The following RBCK1 variants were observed in gnomAD, a reference collection of about 807,000 sequenced individuals.
The protein encoded by RBCK1 is ranBP-type and C3HC4-type zinc finger-containing protein 1.
In RBCK1, 44 loss-of-function variants were observed where a neutral mutation model predicts 71.1. The observed-to-expected ratio is 0.62, with a 90% CI of 0.49 to 0.80. The LOEUF (loss-of-function observed/expected upper bound fraction) is 0.80, where lower values mean the gene tolerates loss of function less well. Ranked by LOEUF, RBCK1 falls within the 30% of genes least tolerant of loss-of-function variation. RBCK1 has a pLI of 0.00. For missense variants in RBCK1, 569 were observed against 685.0 expected, an observed-to-expected ratio of 0.83 and a Z score of 1.89; for synonymous variants, 306 against 279.7, an observed-to-expected ratio of 1.09 and a Z score of -0.94.
Position 419,544 on chromosome 20 carries a change from C to A in RBCK1, c.583-14C>A. 1 of 1,606,488 alleles carries A rather than the reference C, an allele frequency of 6.2e-7. No homozygotes were observed. Among genetic ancestry groups the A allele is most frequent in the Non-Finnish European group, 8.5e-7 (1 of 1,176,584 alleles). On this transcript the variant is annotated splice_polypyrimidine_tract_variant and intron_variant, in intron 5 of 11. Transcript: ENST00000356286. ...ACCCTGCCCAGTCGGGCTCACAGCA[C>A]CCTCTGCTCCCAGGTGGGCTGGCAG...
intron 11 of RBCK1, among the ~76,000 whole-genome samples, chr20:429,921 T>C (rs557344635): frequency 4.3e-4 from 65 of 152,316 alleles, no homozygotes; most frequent in African/African-American, 1.4e-3. Context: ...CTCAGGCTTG[T>C]TGTCAGAATC....
Position 428,777 on chromosome 20 carries a change from G to A in RBCK1, c.1309-174G>A. Reference sequence around the variant, plus strand: ...TGTCAGGAAGAGCGTCTGGGTGGAGGGTGGAGACCACAGGAATGAAGAGGG... The same window carrying A: ...TGTCAGGAAGAGCGTCTGGGTGGAGAGTGGAGACCACAGGAATGAAGAGGG... On this transcript the variant is annotated intron_variant, in intron 10 of 11. Coordinates refer to ENST00000356286, the MANE Select transcript of RBCK1 (RefSeq NM_031229.4). The surrounding 1 kb of genome is among the most constrained non-coding windows in gnomAD (Gnocchi z 5.7). The A allele has an allele frequency of 7.0e-7, 1 of 1,422,410 alleles. No individual in the cohort carries two copies. Among genetic ancestry groups the A allele is most frequent in the Non-Finnish European group, 9.2e-7 (1 of 1,084,602 alleles). The allele number at this position is 1,422,410 out of a possible 1,614,324, so 88.1% of individuals were successfully genotyped here.
At chr20:420,583 C>G (rs2016330698) in intron 6 of RBCK1, 1 of 982,064 alleles carries the variant, frequency 1.0e-6, no homozygotes, top group Non-Finnish European at 1.2e-6. Flanking sequence ...CCGTGGCTAC[C>G]TGGCCGGCCT....
intron 7 of RBCK1, 145 bp from the exon 8 acceptor site, chr20:421,982 G>C (rs2016463326): frequency 1.6e-6 from 1 of 613,240 alleles, no homozygotes; most frequent in African/African-American, 1.9e-5. Context: ...TGGTGAGAGG[G>C]ATGGGAAGGA....
At chr20:416,799 C>A (rs779070748) in intron 2 of RBCK1, among the ~76,000 whole-genome samples, 4 of 152,122 alleles carry the variant, frequency 2.6e-5, no homozygotes, top group Non-Finnish European at 5.9e-5. Context: ...GAGTTCAAGA[C>A]CAGCTTTGGC....
chr20:424,590 C>T (rs904821675), intron 8 of RBCK1, among the ~76,000 whole-genome samples: 5 of 152,120 alleles, frequency 3.3e-5, no homozygotes, highest in Admixed American at 3.3e-4. Context: ...CAGGAGCAGC[C>T]CCATTTTTCT....
In RBCK1 at chr20:420,843, G is replaced by A. The variant is rs763872700; in HGVS notation, c.757-28G>A. The stretch of plus-strand genomic sequence containing the variant: ...TGACCCGCCCCCGAGGCCCTGACCC[G>A]CCCCGTGGCCCCGCCCCGTGTGCCC... On this transcript the variant is annotated intron_variant, in intron 6 of 11. Transcript: ENST00000356286. 3.5e-6 allele frequency: 5 copies of A among 1,444,282 alleles called. No individual in the cohort carries two copies. The East Asian group carries it at 1.4e-4, about 42-fold the overall frequency. The allele number at this position is 1,444,282 out of a possible 1,614,324, so 89.5% of individuals were successfully genotyped here.
intron 2 of RBCK1, among the ~76,000 whole-genome samples, chr20:412,333 T>G (rs1035002340): frequency 7.9e-5 from 12 of 152,048 alleles, no homozygotes; most frequent in African/African-American, 2.9e-4. Flanking sequence ...ATCTTTTTTT[T>G]TTTTTGAGAT....
At chr20:414,575 T>G (rs2015887487) in intron 2 of RBCK1, among the ~76,000 whole-genome samples, 1 of 152,220 alleles carries the variant, frequency 6.6e-6, no homozygotes, top group Non-Finnish European at 1.5e-5. Flanking sequence ...TCCAGCTGTA[T>G]TTTTTTGTTG....
intron 8 of RBCK1, among the ~76,000 whole-genome samples, chr20:426,816 C>CG (rs2016743291): frequency 2.1e-5 from 2 of 95,506 alleles, no homozygotes; most frequent in Non-Finnish European, 3.9e-5. Context: ...TTTTCTTTTC[C>CG]TTTTTTTTTT....
chr20:425,313 A>G (rs1359780748), intron 8 of RBCK1, among the ~76,000 whole-genome samples: 4 of 152,142 alleles, frequency 2.6e-5, no homozygotes, highest in Admixed American at 2.6e-4. Flanking sequence ...GCCCAGCCAG[A>G]TATGATTTTT....
chr20:425,089 C>T (rs550460441), intron 8 of RBCK1, among the ~76,000 whole-genome samples: 64 of 152,238 alleles, frequency 4.2e-4, no homozygotes, highest in African/African-American at 1.3e-3. Context: ...CAGCCCACTG[C>T]AAGCTCCGCC....
chr20:427,856 A>T (rs894099231), intron 9 of RBCK1, among the ~76,000 whole-genome samples: 5 of 152,056 alleles, frequency 3.3e-5, no homozygotes, highest in Non-Finnish European at 7.4e-5. Flanking sequence ...CTTGTCACTT[A>T]AGGTGGTCCC....
chr20:410,398 C>G, intron 2 of RBCK1: 1 of 779,298 alleles, frequency 1.3e-6, no homozygotes, highest in East Asian at 2.4e-5. Context: ...CACCATTCTG[C>G]CATTCATTCC....
Position 419,709 on chromosome 20 carries a change from A to C in RBCK1, c.734A>C (p.Glu245Ala), listed in dbSNP as rs773437115. ...EERARLAGEEEALRQYQQRKQ... is the reference protein window; with the variant it reads ...EERARLAGEEAALRQYQQRKQ... ...CGAGCGCGCCTGGCGGGCGAGGAGG[A>C]GGCGCTGCGTCAGTACCAGCAGGTG... The change falls in exon 6 of 12, where the codon GAG becomes GCG. Residue 245 changes from glutamate to alanine, a missense_variant. Transcript: ENST00000356286. 6 of 1,565,172 alleles carry C rather than the reference A, an allele frequency of 3.8e-6. No individual in the cohort carries two copies. In the Admixed American group the frequency reaches 9.2e-5, roughly 24 times the overall value.
At chr20:420,219 C>T (rs1047354278) in intron 6 of RBCK1, 204 of 985,084 alleles carry the variant, frequency 2.1e-4, no homozygotes, top group Non-Finnish European at 2.4e-4. Context: ...TCCTGAGAGC[C>T]TGGCCTGGAC....
Position 408,422 on chromosome 20 carries a change from G to A in RBCK1, c.-336G>A. The A allele has an allele frequency of 2.2e-6, 1 of 458,748 alleles. No individual in the cohort carries two copies. Among genetic ancestry groups the A allele is most frequent in the Non-Finnish European group, 3.9e-6 (1 of 257,246 alleles). 28.4% of individuals were successfully genotyped at this position (458,748 alleles called of 1,614,324 possible). Reference sequence around the variant, plus strand: ...GCGCTCCCGCAAGTGGGGGTCCTCCGGGACTTGGAACGCCCCGGCTGGGTG... The same window carrying A: ...GCGCTCCCGCAAGTGGGGGTCCTCCAGGACTTGGAACGCCCCGGCTGGGTG... On this transcript the variant is annotated 5_prime_UTR_variant, in exon 1 of 12. Coordinates refer to ENST00000356286, the MANE Select transcript of RBCK1 (RefSeq NM_031229.4).
intron 2 of RBCK1, among the ~76,000 whole-genome samples, chr20:415,849 TC>T (rs1364517457): frequency 6.6e-6 from 1 of 152,190 alleles, no homozygotes; most frequent in Admixed American, 6.5e-5. Flanking sequence ...AGCAGGCACT[TC>T]ACATGGTGAG....
rs2016128443 is a variant in RBCK1, at chr20:418,422, G to A, written c.460+492G>A. Among the ~76,000 whole-genome samples, 8 of 152,102 alleles carry A rather than the reference G, an allele frequency of 5.3e-5. No individual in the cohort carries two copies. In the South Asian group the frequency reaches 8.3e-4, roughly 16 times the overall value. On this transcript the variant is annotated intron_variant, in intron 4 of 11. Coordinates refer to ENST00000356286, the MANE Select transcript of RBCK1 (RefSeq NM_031229.4). ...CTCGCTCTGTCGCCCAGGCTGGAGT[G>A]CAGTGGCACAATCTCGGCTCACTGC...
Sources: allele counts gnomAD v4.1 joint callset (sites outside exome capture counted in the v4.1 genomes callset), GRCh38; gene constraint gnomAD v4.1.1; non-coding constraint Gnocchi (gnomAD v3.1); transcripts MANE v1.5; gene names NCBI Gene and HGNC (gene_info 2026-07-23, HGNC 2026-07-21).